SEMA6B: variants seen among roughly 807,000 people sequenced by gnomAD.
The protein encoded by SEMA6B is semaphorin-6B.
In SEMA6B, 47 loss-of-function variants were observed where a neutral mutation model predicts 78.6. The observed-to-expected ratio is 0.60, with a 90% CI of 0.47 to 0.76. The LOEUF (loss-of-function observed/expected upper bound fraction) is 0.76, where lower values mean the gene tolerates loss of function less well. SEMA6B is among the 30% of genes least tolerant of loss of function. The pLI, the probability that SEMA6B is intolerant of heterozygous loss-of-function variation, is 0.00. For missense variants in SEMA6B, 1,213 were observed against 1,269.9 expected, an observed-to-expected ratio of 0.96 and a Z score of 0.68; for synonymous variants, 632 against 592.2, an observed-to-expected ratio of 1.07 and a Z score of -0.98.
Position 4,555,681 on chromosome 19 carries a change from T to C in SEMA6B, c.472-117A>G. The C allele has an allele frequency of 1.2e-6, 1 of 850,462 alleles. No individual in the cohort carries two copies. Among genetic ancestry groups the C allele is most frequent in the African/African-American group, 1.7e-5 (1 of 58,756 alleles). The allele number at this position is 850,462 out of a possible 1,614,324, so 52.7% of individuals were successfully genotyped here. On this transcript the variant is annotated intron_variant, in intron 6 of 16. Coordinates refer to ENST00000586582, the MANE Select transcript of SEMA6B (RefSeq NM_032108.4). The surrounding 1 kb of genome is among the most constrained non-coding windows in gnomAD (Gnocchi z 6.1). ...ATCCACCACGGATTACTGTGTGACC[T>C]TGGCCACTCACTTAACCTCTCAGGG...
chr19:4,555,404 G>A lies in SEMA6B; in HGVS notation c.562+70C>T, dbSNP rs1394912851. On this transcript the variant is annotated intron_variant, in intron 7 of 16. Transcript: ENST00000586582. This position sits in a 1 kb window ranked among gnomAD's most constrained non-coding sequence, Gnocchi z 6.1. ...CAGCTGCCTTCTAAACAACCCAGACGCTGGAGTAGAAAATGCCAGGTCTTG... is the reference window on the plus strand; with the variant it reads ...CAGCTGCCTTCTAAACAACCCAGACACTGGAGTAGAAAATGCCAGGTCTTG... 2 of 1,366,470 alleles carry A rather than the reference G, an allele frequency of 1.5e-6. No individual in the cohort carries two copies. Among genetic ancestry groups the A allele is most frequent in the South Asian group, 1.3e-5 (1 of 79,528 alleles). The allele number at this position is 1,366,470 out of a possible 1,614,324, so 84.6% of individuals were successfully genotyped here. A position where few individuals can be genotyped will look rare whatever the true frequency, so the allele number is the denominator to read the frequency against.
rs747304004 is a variant in SEMA6B, at chr19:4,550,976, C to G, written c.990-46G>C. The G allele has an allele frequency of 6.2e-7, 1 of 1,608,526 alleles. No homozygotes were observed. Among genetic ancestry groups the G allele is most frequent in the Non-Finnish European group, 8.5e-7 (1 of 1,176,842 alleles). On this transcript the variant is annotated intron_variant, in intron 10 of 16. Transcript: ENST00000586582. This position sits in a 1 kb window ranked among gnomAD's most constrained non-coding sequence, Gnocchi z 6.6. ...AGTTTGGTGAGCCCGGTGGGAGGCC[C>G]CATCTCGGACAAGTGCGTGCAGGAG...
Position 4,552,651 on chromosome 19 carries a change from A to G in SEMA6B, c.772-12T>C, listed in dbSNP as rs749691392. On this transcript the variant is annotated splice_polypyrimidine_tract_variant and intron_variant, in intron 9 of 16. Coordinates refer to ENST00000586582, the MANE Select transcript of SEMA6B (RefSeq NM_032108.4). The surrounding 1 kb of genome is among the most constrained non-coding windows in gnomAD (Gnocchi z 7.4). ...CGGGACACCACCACCTGGGCGTGAC[A>G]GTGGACGGACGGGGGCCTGAGCTCT... 1 of 1,590,794 alleles carries G rather than the reference A, an allele frequency of 6.3e-7. No individual in the cohort carries two copies. The highest frequency in any genetic ancestry group is 8.6e-7 in the Non-Finnish European group (1 of 1,166,050).
rs772618530 is a variant in SEMA6B, at chr19:4,544,071, G to C, written c.2197C>G (p.Arg733Gly). The part of the protein sequence containing the change: ...PHPHPHALGP[R>G]AWDHGHPLLP... ...AGGGGGTGGCCGTGGTCCCAGGCGC[G>C]GGGGCCCAGGGCGTGGGGGTGCGGG... The change falls in exon 17 of 17, where the codon CGC becomes GGC. Residue 733 changes from arginine to glycine, a missense_variant. Arg to Gly is a moderately radical substitution (Grantham distance 125). Coordinates refer to ENST00000586582, the MANE Select transcript of SEMA6B (RefSeq NM_032108.4). This position sits in a 1 kb window ranked among gnomAD's most constrained non-coding sequence, Gnocchi z 5.1. 7 of 1,233,784 alleles carry C rather than the reference G, an allele frequency of 5.7e-6. No individual in the cohort carries two copies. Among genetic ancestry groups the C allele is most frequent in the Non-Finnish European group, 7.1e-6 (7 of 988,196 alleles). The allele number at this position is 1,233,784 out of a possible 1,614,324, so 76.4% of individuals were successfully genotyped here.
intron 16 of SEMA6B, chr19:4,545,961 C>T (rs554105004): frequency 1.2e-4 from 35 of 291,104 alleles, no homozygotes; most frequent in South Asian, 2.7e-4. Flanking sequence ...TTAGTAGAGA[C>T]GGGGTTTCAC....
intron 16 of SEMA6B, 165 bp downstream of exon 16, chr19:4,546,051 G>A (rs1202989177): frequency 6.2e-6 from 4 of 649,890 alleles, no homozygotes; most frequent in African/African-American, 3.7e-5. Flanking sequence ...GATTACAGGC[G>A]TGAGCCACCG....
rs183020550 is a variant in SEMA6B at position 4,553,812 on chromosome 19, G to C, written c.771+576C>G. ...GATGGGATGGATGGATGGATGAATG[G>C]ATGGGTGAATGGATTGGCAGATGGA... On this transcript the variant is annotated intron_variant, in intron 9 of 16. Transcript: ENST00000586582. Among the ~76,000 whole-genome samples, 134 of 138,978 alleles carry C rather than the reference G, an allele frequency of 9.6e-4. 2 individuals carry two copies. In the East Asian group the frequency reaches 0.026, roughly 27 times the overall value. 91.2% of individuals were successfully genotyped at this position (138,978 alleles called of 152,430 possible). A position where few individuals can be genotyped will look rare whatever the true frequency, so the allele number is the denominator to read the frequency against.
In SEMA6B at chr19:4,552,232, A is replaced by C. The variant is rs73920843; in HGVS notation, c.989+190T>G. Among the ~76,000 whole-genome samples, 4,104 of 152,224 alleles carry C rather than the reference A, an allele frequency of 0.027. 181 individuals are homozygous for C. The highest frequency in any genetic ancestry group is 0.095 in the African/African-American group (3,939 of 41,492). On this transcript the variant is annotated intron_variant, in intron 10 of 16. Transcript: ENST00000586582. The surrounding 1 kb of genome is among the most constrained non-coding windows in gnomAD (Gnocchi z 7.4). ...CAGAGGATGAGGATATCTTTGGCCC[A>C]GTTCTGACCAAAGGGACTTAGAGGG...
rs748258087 is a variant in SEMA6B at position 4,544,432 on chromosome 19, C to T, written c.1836G>A (p.Val612=). 2 of 1,602,334 alleles carry T rather than the reference C, an allele frequency of 1.2e-6. No individual in the cohort carries two copies. Among genetic ancestry groups the T allele is most frequent in the Admixed American group, 1.7e-5 (1 of 59,386 alleles). Residue 612 remains valine, a synonymous_variant, in exon 17 of 17, where the codon GTG becomes GTA. Transcript: ENST00000586582. This position sits in a 1 kb window ranked among gnomAD's most constrained non-coding sequence, Gnocchi z 5.1. ...SSVAAFVVGA[V]VSGFSVGWFV... ...ACCAGCCCACGCTGAAGCCGGACAC[C>T]ACGGCTCCCACCACGAAGGCCGCCA...
At position 4,543,856 on chromosome 19, in the gene SEMA6B, G is replaced by A. The variant is rs1404084886; in HGVS notation, c.2412C>T (p.Pro804=). 2 of 1,209,758 alleles carry A rather than the reference G, an allele frequency of 1.7e-6. No individual in the cohort carries two copies. The highest frequency in any genetic ancestry group is 2.1e-6 in the Non-Finnish European group (2 of 974,132). The allele number at this position is 1,209,758 out of a possible 1,614,324, so 74.9% of individuals were successfully genotyped here. The change falls in exon 17 of 17, where the codon CCC becomes CCT. Residue 804 remains proline, a synonymous_variant. Transcript: ENST00000586582. ...CTGAGGCTGGGTCCAAGGGGCCCGTGGGCGCGGACACCACCCGCCGGCGGT... is the reference window on the plus strand; with the variant it reads ...CTGAGGCTGGGTCCAAGGGGCCCGTAGGCGCGGACACCACCCGCCGGCGGT... The part of the protein sequence containing the change: ...SPDRRRVVSA[P]TGPLDPASAA...
chr19:4,554,896 C>CT (rs1265519070), intron 8 of SEMA6B, 80 bp downstream of exon 8: 6 of 1,525,732 alleles, frequency 3.9e-6, no homozygotes, highest in Non-Finnish European at 4.5e-6. Flanking sequence ...CTCTGGGACT[C>CT]TTATTCTGGT....
chr19:4,556,905 C>A (rs1273985858), intron 5 of SEMA6B, 46 bp downstream of exon 5: 7 of 1,568,698 alleles, frequency 4.5e-6, no homozygotes, highest in Admixed American at 1.8e-5. Context: ...ATGGGTAATG[C>A]CAGGGCTGAT....
chr19:4,552,014 C>T lies in SEMA6B; in HGVS notation c.989+408G>A, dbSNP rs1194242526. Among the ~76,000 whole-genome samples the T allele has an allele frequency of 6.6e-6, 1 of 152,258 alleles. No individual in the cohort carries two copies. ...GTTCCCTGCTTTCCTGTTGTGCATT[C>T]TCCCCTAGTTCCCTTCCCACACAGA... On this transcript the variant is annotated intron_variant, in intron 10 of 16. Transcript: ENST00000586582. This position sits in a 1 kb window ranked among gnomAD's most constrained non-coding sequence, Gnocchi z 7.4.
Position 4,552,750 on chromosome 19 carries a change from T to A in SEMA6B, c.772-111A>T. 9.5e-7 allele frequency: 1 copy of A among 1,050,512 alleles called. No homozygotes were observed. Among genetic ancestry groups the A allele is most frequent in the Non-Finnish European group, 1.4e-6 (1 of 740,602 alleles). The allele number at this position is 1,050,512 out of a possible 1,614,324, so 65.1% of individuals were successfully genotyped here. A position where few individuals can be genotyped will look rare whatever the true frequency, so the allele number is the denominator to read the frequency against. ...TGTGATGGAGGAGTCTGACCCTGGC[T>A]CTGGTGGGACCCCGGCCAGTCACCG... On this transcript the variant is annotated intron_variant, in intron 9 of 16. Coordinates refer to ENST00000586582, the MANE Select transcript of SEMA6B (RefSeq NM_032108.4). The surrounding 1 kb of genome is among the most constrained non-coding windows in gnomAD (Gnocchi z 7.4).
chr19:4,546,219 T>C lies in SEMA6B; in HGVS notation c.1735A>G (p.Thr579Ala), dbSNP rs142268874. The C allele has an allele frequency of 7.3e-5, 118 of 1,611,314 alleles. No individual in the cohort carries two copies. The African/African-American group carries it at 1.2e-3, about 16-fold the overall frequency. ...GCCTGCCGTCCCCCCAACTCACCTG[T>C]GCAGTCCCCTAAGCCTGAGGTGCTG... is the stretch of plus-strand genomic sequence containing the variant. The part of the protein sequence containing the change: ...GASTSGLGDC[T>A]GLLRASLSED... The change falls in exon 16 of 17, where the codon ACA (threonine) becomes GCA (alanine). Residue 579 changes from threonine (T) to alanine (A), a missense_variant. Coordinates refer to ENST00000586582, the MANE Select transcript of SEMA6B (RefSeq NM_032108.4).
chr19:4,544,171 G>A lies in SEMA6B; in HGVS notation c.2097C>T (p.Pro699=), dbSNP rs980981380. 1.1e-5 allele frequency: 14 copies of A among 1,266,648 alleles called. No homozygotes were observed. The highest frequency in any genetic ancestry group is 2.7e-4 in the Middle Eastern group (1 of 3,662). The allele number at this position is 1,266,648 out of a possible 1,614,324, so 78.5% of individuals were successfully genotyped here. ...WAKATLLQGG[P]HDLDSGLLPT... ...GCAGCAGCCCCGAGTCCAGGTCGTG[G>A]GGCCCGCCCTGCAGCAGCGTGGCCT... is the stretch of plus-strand genomic sequence containing the variant. Residue 699 remains proline, a synonymous_variant, in exon 17 of 17, where the codon CCC becomes CCT. Transcript: ENST00000586582. The surrounding 1 kb of genome is among the most constrained non-coding windows in gnomAD (Gnocchi z 5.1).
intron 3 of SEMA6B, 54 bp downstream of exon 3, chr19:4,557,971 TC>T: frequency 7.8e-7 from 1 of 1,280,586 alleles, no homozygotes; most frequent in Non-Finnish European, 1.0e-6. Context: ...CCTCTCTCTC[TC>T]CCCCTCGCTC....
At position 4,550,524 on chromosome 19, in the gene SEMA6B, C is replaced by T. The variant is rs904860498; in HGVS notation, c.1122-252G>A. ...GATTACAGGCACGTGCCATCACGCC[C>T]GGCTAATTTTTGTATTTTTAGTAGA... On this transcript the variant is annotated intron_variant, in intron 11 of 16. Coordinates refer to ENST00000586582, the MANE Select transcript of SEMA6B (RefSeq NM_032108.4). The surrounding 1 kb of genome is among the most constrained non-coding windows in gnomAD (Gnocchi z 6.6). 3.9e-5 allele frequency among the ~76,000 whole-genome samples: 6 copies of T among 152,022 alleles called. No homozygotes were observed. The highest frequency in any genetic ancestry group is 7.4e-5 in the Non-Finnish European group (5 of 67,994).
At position 4,555,963 on chromosome 19, in the gene SEMA6B, G is replaced by T. The variant is rs1186857223; in HGVS notation, c.471+25C>A. The T allele has an allele frequency of 1.3e-6, 2 of 1,585,338 alleles. No individual in the cohort carries two copies. Among genetic ancestry groups the T allele is most frequent in the Admixed American group, 3.3e-5 (2 of 59,950 alleles). ...AGCAGAGGCCTGGAGGTTGGACCTG[G>T]GGCGCAGGGAGTCTGAAGACTCACG... On this transcript the variant is annotated intron_variant, in intron 6 of 16. Transcript: ENST00000586582. The surrounding 1 kb of genome is among the most constrained non-coding windows in gnomAD (Gnocchi z 6.1).
Sources: allele counts gnomAD v4.1 joint callset (sites outside exome capture counted in the v4.1 genomes callset), GRCh38; gene constraint gnomAD v4.1.1; non-coding constraint Gnocchi (gnomAD v3.1); transcripts MANE v1.5; gene names NCBI Gene and HGNC (gene_info 2026-07-23, HGNC 2026-07-21).